Variants in PRR16 observed in about 807,000 individuals in gnomAD.
PRR16 encodes the protein proline rich 16.
Under a neutral mutation model 18.2 loss-of-function variants are expected in PRR16, and 6 were observed. That is an observed-to-expected ratio of 0.33 (90% CI 0.18 to 0.65). The LOEUF (loss-of-function observed/expected upper bound fraction) is 0.65. Ranked by LOEUF, PRR16 falls within the 30% of genes least tolerant of loss-of-function variation. PRR16 has a pLI of 0.74. For synonymous variants in PRR16, 151 were observed against 147.8 expected (o/e 1.02, Z -0.16); for missense variants, 412 against 376.6 (o/e 1.09, Z -0.78).
At chr5:120,609,401 CT>C (rs1754262461) in intron 1 of PRR16, among the ~76,000 whole-genome samples, 1 of 150,648 alleles carries the variant, frequency 6.6e-6, no homozygotes, top group Non-Finnish European at 1.5e-5. Flanking sequence ...CTCTATCCTA[CT>C]TTCTAAAAAA....
the PRR16 span, among the ~76,000 whole-genome samples, chr5:120,775,921 T>C: frequency 6.6e-6 from 1 of 151,628 alleles, no homozygotes; most frequent in African/African-American, 2.4e-5. Context: ...GTGCTGAGAT[T>C]ACAGGTGTGA....
Position 120,686,241 on chromosome 5 carries a change from C to G in PRR16, c.447C>G (p.Thr149=), listed in dbSNP as rs761906192. 6.2e-7 allele frequency: 1 copy of G among 1,614,024 alleles called. No individual in the cohort carries two copies. Among genetic ancestry groups the G allele is most frequent in the East Asian group, 2.2e-5 (1 of 44,872 alleles). The part of the protein sequence containing the change: ...RVVPTANPVK[T]NGTLLRNGGL... ...TTCCAACTGCCAATCCTGTAAAAAC[C>G]AATGGCACCCTTCTACGAAATGGAG... Residue 149 remains threonine, a synonymous_variant, in exon 2 of 2, where the codon ACC becomes ACG. Transcript: ENST00000407149.
intron 1 of PRR16, among the ~76,000 whole-genome samples, chr5:120,609,147 A>G (rs1275594367): frequency 6.6e-6 from 1 of 151,978 alleles, no homozygotes; most frequent in Non-Finnish European, 1.5e-5. Context: ...ACTTATTTGT[A>G]CAATTCAATT....
At chr5:120,657,571 A>G (rs1009580902) in intron 1 of PRR16, among the ~76,000 whole-genome samples, 2 of 151,990 alleles carry the variant, frequency 1.3e-5, no homozygotes, top group African/African-American at 4.8e-5. Context: ...ATCTTAGTCT[A>G]AATACTGAAT....
At chr5:120,611,734 T>A (rs1754340340) in intron 1 of PRR16, among the ~76,000 whole-genome samples, 1 of 152,174 alleles carries the variant, frequency 6.6e-6, no homozygotes, top group Non-Finnish European at 1.5e-5. Context: ...GGGGCCCACA[T>A]GGAGAACCTC....
chr5:120,750,684 A>T, the PRR16 span, among the ~76,000 whole-genome samples: 8 of 151,950 alleles, frequency 5.3e-5, no homozygotes, highest in Non-Finnish European at 1.2e-4. Context: ...AAAATTATGG[A>T]TACATACATA....
At chr5:120,544,356 A>G (rs1357685320) in intron 1 of PRR16, among the ~76,000 whole-genome samples, 2 of 152,192 alleles carry the variant, frequency 1.3e-5, no homozygotes, top group African/African-American at 2.4e-5. Flanking sequence ...TCTGTGGACT[A>G]AATTAAATAT....
At chr5:120,727,025 AT>A in the PRR16 span, among the ~76,000 whole-genome samples, 1 of 152,038 alleles carries the variant, frequency 6.6e-6, no homozygotes, top group Non-Finnish European at 1.5e-5. Context: ...GCCCCAGAAC[AT>A]CACTGAAGCT....
At chr5:120,612,137 T>C (rs1463741871) in intron 1 of PRR16, among the ~76,000 whole-genome samples, 1 of 152,186 alleles carries the variant, frequency 6.6e-6, no homozygotes, top group East Asian at 1.9e-4. Flanking sequence ...CCATTTAGAA[T>C]GGCTGTATTT....
chr5:120,642,645 A>G (rs1433534213), intron 1 of PRR16, among the ~76,000 whole-genome samples: 1 of 152,112 alleles, frequency 6.6e-6, no homozygotes, highest in East Asian at 1.9e-4. Flanking sequence ...TCACATGTAC[A>G]CTGAGATTTA....
At chr5:120,570,090 T>C (rs1752858906) in intron 1 of PRR16, among the ~76,000 whole-genome samples, 1 of 152,140 alleles carries the variant, frequency 6.6e-6, no homozygotes, top group African/African-American at 2.4e-5. Context: ...TCCCAGATTA[T>C]AAGCCTCATA....
chr5:120,637,643 G>GC (rs546464775), intron 1 of PRR16, among the ~76,000 whole-genome samples: 10 of 17,872 alleles, frequency 5.6e-4, no homozygotes, highest in South Asian at 5.7e-3. Context: ...TTGGGGATTT[G>GC]GGGGGAAGGG....
At chr5:120,536,138 A>G (rs1017954543) in intron 1 of PRR16, among the ~76,000 whole-genome samples, 7 of 152,168 alleles carry the variant, frequency 4.6e-5, no homozygotes, top group African/African-American at 1.7e-4. Flanking sequence ...CAGAATTGTG[A>G]TAGTTGGCAT....
intron 1 of PRR16, among the ~76,000 whole-genome samples, chr5:120,533,403 C>A (rs1751614728): frequency 6.6e-6 from 1 of 151,926 alleles, no homozygotes; most frequent in Admixed American, 6.6e-5. Context: ...CATAATAAAT[C>A]TGTAAATTAT....
intron 1 of PRR16, among the ~76,000 whole-genome samples, chr5:120,587,265 AG>A (rs1200778622): frequency 6.6e-6 from 1 of 152,202 alleles, no homozygotes; most frequent in Admixed American, 6.6e-5. Flanking sequence ...CAGATGATGG[AG>A]AAGCTGTAGC....
rs530517787 is a variant in PRR16, at chr5:120,468,416, A to G, written c.159+3771A>G. Among the ~76,000 whole-genome samples the G allele has an allele frequency of 6.7e-4, 102 of 152,298 alleles. 2 individuals are homozygous for G. The Middle Eastern group carries it at 0.051, about 76-fold the overall frequency. On this transcript the variant is annotated intron_variant, in intron 1 of 1. Coordinates refer to ENST00000407149, the MANE Select transcript of PRR16 (RefSeq NM_001300783.2). ...GGGTTTTAAGAGGTAGTCACAGGTAAAAGGAAATAGGTTTGGACTACAAGA... is the reference window on the plus strand; with the variant it reads ...GGGTTTTAAGAGGTAGTCACAGGTAGAAGGAAATAGGTTTGGACTACAAGA...
At chr5:120,733,175 T>C in the PRR16 span, among the ~76,000 whole-genome samples, 1 of 152,132 alleles carries the variant, frequency 6.6e-6, no homozygotes, top group Non-Finnish European at 1.5e-5. Flanking sequence ...AGACAGAGTC[T>C]TGTTCTGTCA....
chr5:120,769,336 C>T, the PRR16 span, among the ~76,000 whole-genome samples: 1 of 151,742 alleles, frequency 6.6e-6, no homozygotes, highest in Non-Finnish European at 1.5e-5. Context: ...TTTCTTGTGT[C>T]TCCCCCTCCC....
At chr5:120,634,617 T>C (rs1294093855) in intron 1 of PRR16, among the ~76,000 whole-genome samples, 2 of 152,168 alleles carry the variant, frequency 1.3e-5, no homozygotes, top group Non-Finnish European at 2.9e-5. Flanking sequence ...CACTCCAGCC[T>C]GGGGAGCAGA....
Sources: allele counts gnomAD v4.1 joint callset (sites outside exome capture counted in the v4.1 genomes callset), GRCh38; gene constraint gnomAD v4.1.1; transcripts MANE v1.5; gene names NCBI Gene and HGNC (gene_info 2026-07-23, HGNC 2026-07-21).